LUZP4: variants seen among roughly 807,000 people sequenced by gnomAD.
LUZP4 encodes HOM-TES-85 tumor antigen.
A neutral mutation model predicts 8.5 loss-of-function variants in LUZP4; 11 were observed. The ratio of observed to expected loss-of-function variants is 1.30; its 90% CI spans 0.82 to 2.14. LUZP4 has a LOEUF of 2.14. LUZP4 is among the 30% of genes most tolerant of loss of function. The pLI is 0.00. For synonymous variants in LUZP4, 104 were observed against 79.4 expected (o/e 1.31, Z -1.65); for missense variants, 276 against 229.7 (o/e 1.20, Z -1.30).
chrX:115,295,374 A>G (rs2073366462), intron 1 of LUZP4, among the ~76,000 whole-genome samples: 2 of 112,553 alleles, frequency 1.8e-5, no homozygotes, highest in African/African-American at 6.5e-5. Context: ...CCACCGTGCC[A>G]GGCTGAGGCC....
chrX:115,290,959 TTTTTG>T (rs782042790), intron 1 of LUZP4, among the ~76,000 whole-genome samples: 6 of 110,969 alleles, frequency 5.4e-5, no homozygotes, highest in Non-Finnish European at 9.4e-5. Context: ...GGTTTTTGTT[TTTTTG>T]TTTTGTTTTG....
rs2073428337 is a variant in LUZP4, at chrX:115,307,278, A to G, written c.*474A>G. On this transcript the variant is annotated 3_prime_UTR_variant, in exon 4 of 4. Coordinates refer to ENST00000371920, the MANE Select transcript of LUZP4 (RefSeq NM_016383.5). ...CATCCTCAGAGAGTCCTTAGCAGAC[A>G]AATGGTAGATGTATCTTTGGGCAGC... 7.8e-6 allele frequency: 1 copy of G among 128,518 alleles called. No homozygotes were observed. Among genetic ancestry groups the G allele is most frequent in the African/African-American group, 3.2e-5 (1 of 31,531 alleles). The allele number at this position is 128,518 out of a possible 1,213,427, so 10.6% of individuals were successfully genotyped here. A position where few individuals can be genotyped will look rare whatever the true frequency, so the allele number is the denominator to read the frequency against.
chrX:115,303,144 T>G (rs782063784), intron 2 of LUZP4, among the ~76,000 whole-genome samples, 156 bp from the exon 3 acceptor site: 1 of 111,619 alleles, frequency 9.0e-6, no homozygotes, highest in East Asian at 2.8e-4. Context: ...TGTTCTAGAA[T>G]TCAGTGAGAC....
At chrX:115,293,102 A>C (rs782494941) in intron 1 of LUZP4, among the ~76,000 whole-genome samples, 2 of 111,208 alleles carry the variant, frequency 1.8e-5, no homozygotes, top group Non-Finnish European at 3.8e-5. Flanking sequence ...AGTCACAAAA[A>C]AAAAATTTGT....
intron 1 of LUZP4, among the ~76,000 whole-genome samples, chrX:115,294,523 G>A (rs2073362272): frequency 1.8e-5 from 2 of 111,850 alleles, no homozygotes; most frequent in African/African-American, 6.5e-5. Flanking sequence ...CGTTTGGGTA[G>A]CCAGCAATTT....
intron 1 of LUZP4, among the ~76,000 whole-genome samples, chrX:115,300,232 C>T (rs1283160650): frequency 8.9e-6 from 1 of 111,836 alleles, no homozygotes; most frequent in Non-Finnish European, 1.9e-5. Context: ...CCAGTCCACA[C>T]TCTGTTGGCC....
Position 115,306,608 on chromosome X carries a change from A to G in LUZP4, c.746A>G (p.Gln249Arg), listed in dbSNP as rs1228120167. The G allele has an allele frequency of 8.3e-7, 1 of 1,207,470 alleles. No homozygotes were observed. The highest frequency in any genetic ancestry group is 3.0e-5 in the East Asian group (1 of 33,636). ...VDTQSDLIAT[Q>R]RDLIATQKDL... The stretch of plus-strand genomic sequence containing the variant: ...ACTCAGAGTGATCTCATAGCCACTC[A>G]GAGAGATCTCATAGCCACTCAGAAA... The change falls in exon 4 of 4, where the codon CAG becomes CGG. Residue 249 changes from glutamine to arginine, a missense_variant. Gln to Arg is a conservative substitution (Grantham distance 43). Coordinates refer to ENST00000371920, the MANE Select transcript of LUZP4 (RefSeq NM_016383.5).
At chrX:115,293,990 T>C (rs1019692665) in intron 1 of LUZP4, among the ~76,000 whole-genome samples, 5 of 111,069 alleles carry the variant, frequency 4.5e-5, no homozygotes, top group Non-Finnish European at 5.7e-5. Flanking sequence ...AAAGAAAATA[T>C]TGTGTTGAGA....
chrX:115,298,957 G>A (rs2073383149), intron 1 of LUZP4, among the ~76,000 whole-genome samples: 1 of 111,280 alleles, frequency 9.0e-6, no homozygotes, highest in South Asian at 3.8e-4. Flanking sequence ...AGGCTTTCCA[G>A]ATATTTGAAA....
chrX:115,304,636 C>T lies in LUZP4; in HGVS notation c.342+1218C>T, dbSNP rs932292410. Among the ~76,000 whole-genome samples, 6 of 109,899 alleles carry T rather than the reference C, an allele frequency of 5.5e-5. No individual in the cohort carries two copies. The East Asian group carries it at 1.7e-3, about 31-fold the overall frequency. ...AAGCAATCCTCCCACTTCAGCCTCC[C>T]AAGTAGCTGGGACTATAGGCACGTG... is the stretch of plus-strand genomic sequence containing the variant. On this transcript the variant is annotated intron_variant, in intron 3 of 3. Transcript: ENST00000371920.
Position 115,289,865 on chromosome X carries a change from G to C in LUZP4, c.91+15G>C. 4.4e-6 allele frequency: 5 copies of C among 1,130,077 alleles called. No individual in the cohort carries two copies. Among genetic ancestry groups the C allele is most frequent in the Non-Finnish European group, 6.0e-6 (5 of 826,676 alleles). 93.1% of individuals were successfully genotyped at this position (1,130,077 alleles called of 1,213,427 possible). Reference sequence around the variant, plus strand: ...TATGTCTCTAGGTATGTAGATCTCGGATCCCAGTCTCCACTAGTTTGGGCT... The same window carrying C: ...TATGTCTCTAGGTATGTAGATCTCGCATCCCAGTCTCCACTAGTTTGGGCT... On this transcript the variant is annotated intron_variant, in intron 1 of 3. Coordinates refer to ENST00000371920, the MANE Select transcript of LUZP4 (RefSeq NM_016383.5).
intron 1 of LUZP4, among the ~76,000 whole-genome samples, chrX:115,294,218 GACAAA>G (rs1383273381): frequency 4.5e-5 from 5 of 111,805 alleles, no homozygotes; most frequent in Admixed American, 3.8e-4. Context: ...TAACAGAAAA[GACAAA>G]ACAAAACTGA....
intron 1 of LUZP4, among the ~76,000 whole-genome samples, chrX:115,293,446 T>A (rs2073356963): frequency 9.1e-6 from 1 of 109,686 alleles, no homozygotes; most frequent in Non-Finnish European, 1.9e-5. Context: ...CCCAGCTAAT[T>A]TTTTTGTATT....
intron 1 of LUZP4, among the ~76,000 whole-genome samples, chrX:115,299,943 AGTCG>A (rs1428917472): frequency 8.9e-6 from 1 of 112,153 alleles, no homozygotes; most frequent in Non-Finnish European, 1.9e-5. Flanking sequence ...CCTTCAAGGC[AGTCG>A]GTTCCCTTCT....
intron 1 of LUZP4, among the ~76,000 whole-genome samples, chrX:115,301,417 A>G (rs2073396889): frequency 8.9e-6 from 1 of 112,140 alleles, no homozygotes; most frequent in Non-Finnish European, 1.9e-5. Flanking sequence ...CTACAGAGTC[A>G]AGTCTGATTG....
intron 1 of LUZP4, among the ~76,000 whole-genome samples, chrX:115,295,016 T>C (rs1368068271): frequency 8.9e-6 from 1 of 112,346 alleles, no homozygotes; most frequent in Non-Finnish European, 1.9e-5. Context: ...GTTTTGATCA[T>C]GTCAGGAGGA....
intron 3 of LUZP4, among the ~76,000 whole-genome samples, chrX:115,304,659 G>A (rs193126986): frequency 4.3e-4 from 47 of 109,274 alleles, no homozygotes; most frequent in African/African-American, 1.3e-3. Flanking sequence ...CTATAGGCAC[G>A]TGCCACCATG....
chrX:115,295,304 C>T (rs1173750839), intron 1 of LUZP4, among the ~76,000 whole-genome samples: 1 of 111,710 alleles, frequency 9.0e-6, no homozygotes, highest in Admixed American at 9.5e-5. Context: ...GTCTCGAACT[C>T]GTGGGCTCGA....
intron 1 of LUZP4, among the ~76,000 whole-genome samples, chrX:115,296,541 T>C (rs1458529213): frequency 4.5e-5 from 5 of 111,902 alleles, no homozygotes; most frequent in Non-Finnish European, 9.4e-5. Flanking sequence ...AAAAATACTG[T>C]AGCATTAAGG....
Sources: allele counts gnomAD v4.1 joint callset (sites outside exome capture counted in the v4.1 genomes callset), GRCh38; gene constraint gnomAD v4.1.1; transcripts MANE v1.5; gene names NCBI Gene and HGNC (gene_info 2026-07-23, HGNC 2026-07-21).